The following HDAC9 variants were observed in gnomAD, a reference collection of about 807,000 sequenced individuals.
The protein encoded by HDAC9 is histone deacetylase 9.
Under a neutral mutation model 139.4 loss-of-function variants are expected in HDAC9, and 41 were observed. The ratio of observed to expected loss-of-function variants is 0.29; its 90% CI spans 0.23 to 0.38. The LOEUF is 0.38. Among genes scored for constraint, HDAC9 ranks in the 10% least tolerant of loss-of-function variants. The pLI is 1.00. For synonymous variants in HDAC9, 517 were observed against 476.2 expected, an observed-to-expected ratio of 1.09 and a Z score of -1.12; for missense variants, 1,147 against 1,297.0, an observed-to-expected ratio of 0.88 and a Z score of 1.78.
intron 23 of HDAC9, among the ~76,000 whole-genome samples, chr7:18,952,267 A>G (rs1218549382): frequency 1.3e-5 from 2 of 151,924 alleles, no homozygotes; most frequent in Non-Finnish European, 2.9e-5. Context: ...TTTACTCTCA[A>G]TACTCTGAAT....
intron 1 of HDAC9, among the ~76,000 whole-genome samples, chr7:18,305,577 A>T (rs1044122351): frequency 6.6e-6 from 1 of 151,852 alleles, no homozygotes; most frequent in Non-Finnish European, 1.5e-5. Flanking sequence ...ATAAAGCATG[A>T]CTCCCCTTTT....
At chr7:18,637,338 A>G (rs1784212132) in intron 8 of HDAC9, among the ~76,000 whole-genome samples, 1 of 152,094 alleles carries the variant, frequency 6.6e-6, no homozygotes, top group Non-Finnish European at 1.5e-5. Context: ...AACAACCAGT[A>G]AGTATACATC....
chr7:18,922,456 C>G (rs1660000902), intron 22 of HDAC9, among the ~76,000 whole-genome samples: 1 of 152,004 alleles, frequency 6.6e-6, no homozygotes, highest in Non-Finnish European at 1.5e-5. Flanking sequence ...GTCAGATGAC[C>G]TTCAAACCTC....
intron 17 of HDAC9, among the ~76,000 whole-genome samples, chr7:18,796,496 C>G (rs1026475345): frequency 6.6e-6 from 1 of 152,166 alleles, no homozygotes; most frequent in Non-Finnish European, 1.5e-5. Flanking sequence ...TATTTTTTGG[C>G]ACAGCATAGA....
chr7:18,310,803 A>G (rs1040710179), intron 1 of HDAC9, among the ~76,000 whole-genome samples: 1 of 130,612 alleles, frequency 7.7e-6, no homozygotes, highest in Non-Finnish European at 1.6e-5. Flanking sequence ...ACTTGTACAA[A>G]TCCATTACAC....
At chr7:18,980,573 A>G (rs1181301739) in intron 25 of HDAC9, among the ~76,000 whole-genome samples, 1 of 152,222 alleles carries the variant, frequency 6.6e-6, no homozygotes, top group Non-Finnish European at 1.5e-5. Context: ...CCTGGCATGT[A>G]GTAAATACTT....
At chr7:18,760,999 A>G (rs934839374) in intron 14 of HDAC9, among the ~76,000 whole-genome samples, 2 of 152,228 alleles carry the variant, frequency 1.3e-5, no homozygotes, top group Non-Finnish European at 1.5e-5. Context: ...GGTCAGGAAC[A>G]TGAAAGGACA....
At chr7:18,889,649 C>T (rs1800498648) in intron 22 of HDAC9, among the ~76,000 whole-genome samples, 2 of 152,134 alleles carry the variant, frequency 1.3e-5, no homozygotes, top group Admixed American at 6.5e-5. Context: ...AAAGCAGGCT[C>T]CACAGTATAT....
At chr7:18,279,738 ACAGGGTGAGAGCCAC>A (rs1796979737) in intron 2 of HDAC9, among the ~76,000 whole-genome samples, 1 of 152,148 alleles carries the variant, frequency 6.6e-6, no homozygotes, top group Non-Finnish European at 1.5e-5. Context: ...TACTGGGATT[ACAGGGTGAGAGCCAC>A]CATGCCCAGC....
At chr7:18,922,743 G>C (rs1192286528) in intron 22 of HDAC9, among the ~76,000 whole-genome samples, 1 of 152,104 alleles carries the variant, frequency 6.6e-6, no homozygotes, top group Non-Finnish European at 1.5e-5. Context: ...ACCTGAGTTA[G>C]ATTTAGTTAC....
At chr7:18,601,058 G>A (rs182006681) in intron 6 of HDAC9, among the ~76,000 whole-genome samples, 3 of 152,266 alleles carry the variant, frequency 2.0e-5, no homozygotes, top group Admixed American at 2.0e-4. Flanking sequence ...GAATCTAAAG[G>A]TCAAGTTGAG....
chr7:18,490,771 T>C (rs959343445), upstream of HDAC9, among the ~76,000 whole-genome samples: 1 of 151,990 alleles, frequency 6.6e-6, no homozygotes, highest in South Asian at 2.1e-4. Context: ...GGCAAATGCA[T>C]ATAGTTTTAT....
chr7:18,602,542 G>A (rs1834258861), intron 6 of HDAC9, among the ~76,000 whole-genome samples: 1 of 151,436 alleles, frequency 6.6e-6, no homozygotes, highest in Non-Finnish European at 1.5e-5. Flanking sequence ...TGGAAGCTCA[G>A]ATTATTCAAT....
chr7:18,257,298 G>A (rs1795320876), intron 2 of HDAC9, among the ~76,000 whole-genome samples: 1 of 142,756 alleles, frequency 7.0e-6, no homozygotes, highest in Non-Finnish European at 1.6e-5. Flanking sequence ...GGAGGTGGAG[G>A]TCGCAATAAG....
At chr7:18,792,960 T>C (rs908804969) in intron 16 of HDAC9, among the ~76,000 whole-genome samples, 1 of 152,174 alleles carries the variant, frequency 6.6e-6, no homozygotes, top group African/African-American at 2.4e-5. Context: ...AACTAAGTGC[T>C]CTTAGTTTTT....
At chr7:18,212,873 G>A (rs1792045484) in intron 2 of HDAC9, among the ~76,000 whole-genome samples, 1 of 152,186 alleles carries the variant, frequency 6.6e-6, no homozygotes, top group Non-Finnish European at 1.5e-5. Flanking sequence ...TTGGATGTGT[G>A]AGTCCTAAAA....
chr7:18,870,880 G>T (rs532985416), intron 21 of HDAC9, among the ~76,000 whole-genome samples: 9 of 152,162 alleles, frequency 5.9e-5, no homozygotes, highest in African/African-American at 2.2e-4. Flanking sequence ...GTTACCCAGG[G>T]TGGAACCCCT....
At chr7:18,879,533 A>T (rs1346393772) in intron 22 of HDAC9, among the ~76,000 whole-genome samples, 3 of 152,164 alleles carry the variant, frequency 2.0e-5, no homozygotes, top group Non-Finnish European at 4.4e-5. Flanking sequence ...CTGATCTTTG[A>T]CAAAACTGCC....
chr7:18,814,491 T>C (rs2129193512), intron 17 of HDAC9, among the ~76,000 whole-genome samples: 1 of 152,290 alleles, frequency 6.6e-6, no homozygotes, highest in East Asian at 1.9e-4. Context: ...TTGATACCAG[T>C]GTTCAGATTG....
Sources: allele counts gnomAD v4.1 joint callset (sites outside exome capture counted in the v4.1 genomes callset), GRCh38; gene constraint gnomAD v4.1.1; transcripts MANE v1.5; gene names NCBI Gene and HGNC (gene_info 2026-07-23, HGNC 2026-07-21).